Variants in DOCK1 observed in about 807,000 individuals in gnomAD.
The protein encoded by DOCK1 is dedicator of cytokinesis 1.
In DOCK1, 138 loss-of-function variants were observed where a neutral mutation model predicts 262.7. That is an observed-to-expected ratio of 0.53 (90% CI 0.46 to 0.61). The LOEUF (loss-of-function observed/expected upper bound fraction) is 0.61. DOCK1 is among the 20% of genes least tolerant of loss of function. The pLI, the probability that DOCK1 is intolerant of heterozygous loss-of-function variation, is 0.00. For synonymous variants in DOCK1, 866 were observed against 867.4 expected (o/e 1.00, Z 0.03); for missense variants, 1,908 against 2,370.7 (o/e 0.80, Z 4.05).
chr10:127,022,000 A>G (rs1449154817), intron 13 of DOCK1, among the ~76,000 whole-genome samples: 3 of 152,170 alleles, frequency 2.0e-5, no homozygotes, highest in Non-Finnish European at 4.4e-5. Flanking sequence ...CAGGCAGCAG[A>G]GGAGCAGTGG....
rs2043287420 is a variant in DOCK1, at chr10:127,032,211, G to A, written c.1803G>A (p.Lys601=). The part of the protein sequence containing the change: ...LPSTKAELEE[K]GHSATGKSMQ... Reference sequence around the variant, plus strand: ...CCACGAAGGCAGAGTTGGAAGAAAAGGGCCACTCGGCCACCGGCAAGAGCA... The same window carrying A: ...CCACGAAGGCAGAGTTGGAAGAAAAAGGCCACTCGGCCACCGGCAAGAGCA... Residue 601 remains lysine, a synonymous_variant, in exon 18 of 52, where the codon AAG becomes AAA. Transcript: ENST00000623213. 6.2e-7 allele frequency: 1 copy of A among 1,600,054 alleles called. No homozygotes were observed. Among genetic ancestry groups the A allele is most frequent in the East Asian group, 2.3e-5 (1 of 44,318 alleles).
intron 48 of DOCK1, among the ~76,000 whole-genome samples, chr10:127,435,290 T>C (rs936301838): frequency 6.6e-6 from 1 of 152,178 alleles, no homozygotes; most frequent in Non-Finnish European, 1.5e-5. Flanking sequence ...TTGTTTACAA[T>C]CCATCACCCT....
In DOCK1 at chr10:126,956,195, C is replaced by T. The variant is rs975130508; in HGVS notation, c.47-14507C>T. Among the ~76,000 whole-genome samples the T allele has an allele frequency of 9.8e-5, 15 of 152,334 alleles. No individual in the cohort carries two copies. The East Asian group carries it at 1.7e-3, about 18-fold the overall frequency. ...GGCTATGTCTGGGCCGCCTGTGCCT[C>T]AGAAGAGCTCATCAGCAGTCAGCAT... On this transcript the variant is annotated intron_variant, in intron 1 of 51. Coordinates refer to ENST00000623213, the MANE Select transcript of DOCK1 (RefSeq NM_001290223.2).
intron 12 of DOCK1, chr10:127,013,439 C>T (rs1018163603): frequency 2.2e-4 from 33 of 152,172 alleles, no homozygotes; most frequent in African/African-American, 7.5e-4. Flanking sequence ...GGTTGCCAGC[C>T]GATCCTTCAG....
intron 29 of DOCK1, among the ~76,000 whole-genome samples, chr10:127,324,500 T>A (rs1337415065): frequency 6.6e-6 from 1 of 152,172 alleles, no homozygotes; most frequent in African/African-American, 2.4e-5. Flanking sequence ...TCAGGGCAGC[T>A]TTCTTTCTAA....
chr10:127,320,669 A>G (rs1183490213), intron 29 of DOCK1, among the ~76,000 whole-genome samples: 1 of 152,212 alleles, frequency 6.6e-6, no homozygotes, highest in African/African-American at 2.4e-5. Context: ...TAACAATGGT[A>G]GTAAGGTGGC....
rs2040142705 is a variant in DOCK1 at position 126,995,666 on chromosome 10, G to A, written c.474-1082G>A. 1.1e-5 allele frequency among the ~76,000 whole-genome samples: 1 copy of A among 95,214 alleles called. No individual in the cohort carries two copies. The highest frequency in any genetic ancestry group is 2.7e-5 in the Non-Finnish European group (1 of 36,962). The allele number at this position is 95,214 out of a possible 152,430, so 62.5% of individuals were successfully genotyped here. A position where few individuals can be genotyped will look rare whatever the true frequency, so the allele number is the denominator to read the frequency against. ...AGAGGGAGACCGTGGAGAGGGAGAG[G>A]GAGACCGTGGAGAGGGAGAGGGAGA... On this transcript the variant is annotated intron_variant, in intron 6 of 51. Coordinates refer to ENST00000623213, the MANE Select transcript of DOCK1 (RefSeq NM_001290223.2). This position sits in a 1 kb window ranked among gnomAD's most constrained non-coding sequence, Gnocchi z 5.8.
chr10:127,308,818 T>G (rs2061965324), intron 29 of DOCK1, among the ~76,000 whole-genome samples: 1 of 152,270 alleles, frequency 6.6e-6, no homozygotes, highest in African/African-American at 2.4e-5. Flanking sequence ...TGCCACATTT[T>G]CTTTATTCAG....
intron 29 of DOCK1, among the ~76,000 whole-genome samples, chr10:127,290,631 T>G (rs1171736950): frequency 1.3e-5 from 2 of 152,226 alleles, no homozygotes; most frequent in Non-Finnish European, 2.9e-5. Flanking sequence ...CTTCTTTATC[T>G]GCGTAACTTT....
intron 23 of DOCK1, among the ~76,000 whole-genome samples, chr10:127,078,028 C>T (rs139862136): frequency 6.6e-6 from 1 of 151,892 alleles, no homozygotes; most frequent in African/African-American, 2.4e-5. Context: ...TATTCAGAGC[C>T]GAGAAAAGGA....
At chr10:127,224,662 G>A (rs2058570796) in intron 27 of DOCK1, among the ~76,000 whole-genome samples, 1 of 151,866 alleles carries the variant, frequency 6.6e-6, no homozygotes, top group African/African-American at 2.4e-5. Context: ...TAAGGCCGTG[G>A]TGAGCTCTGA....
intron 3 of DOCK1, among the ~76,000 whole-genome samples, chr10:126,980,494 G>C (rs111636708): frequency 0.059 from 8,935 of 152,188 alleles, 302 homozygotes; most frequent in Non-Finnish European, 0.068. Flanking sequence ...GCACCTCTGA[G>C]CCTGGCCCAG....
At chr10:127,011,622 C>T (rs537152832) in intron 11 of DOCK1, among the ~76,000 whole-genome samples, 4 of 152,284 alleles carry the variant, frequency 2.6e-5, no homozygotes, top group African/African-American at 9.6e-5. Flanking sequence ...GCCCTGAAAA[C>T]GTGGGTGGTC....
chr10:127,380,575 A>AG (rs1423029737), intron 36 of DOCK1, among the ~76,000 whole-genome samples: 1 of 152,128 alleles, frequency 6.6e-6, no homozygotes, highest in Non-Finnish European at 1.5e-5. Context: ...TCTTCCATGA[A>AG]GAAGAGAAAC....
intron 27 of DOCK1, among the ~76,000 whole-genome samples, chr10:127,182,088 G>A (rs1389189145): frequency 1.3e-5 from 2 of 152,138 alleles, no homozygotes; most frequent in Non-Finnish European, 2.9e-5. Flanking sequence ...CAGAACTATG[G>A]CTCCTTGGAG....
intron 27 of DOCK1, among the ~76,000 whole-genome samples, chr10:127,219,834 C>A (rs1200508460): frequency 1.3e-5 from 2 of 152,130 alleles, no homozygotes; most frequent in African/African-American, 4.8e-5. Context: ...CCGTCTTCAG[C>A]CCATCCTGTT....
chr10:126,915,641 C>T (rs537734277), intron 1 of DOCK1, among the ~76,000 whole-genome samples: 10 of 152,216 alleles, frequency 6.6e-5, no homozygotes, highest in East Asian at 3.9e-4. Flanking sequence ...GTTAGTAACA[C>T]GGGGTTTCAC....
intron 2 of DOCK1, among the ~76,000 whole-genome samples, chr10:126,973,244 T>C (rs1322708788): frequency 6.6e-6 from 1 of 151,600 alleles, no homozygotes; most frequent in Admixed American, 6.6e-5. Context: ...TTTTTTTTTT[T>C]TTGAGATGGA....
intron 21 of DOCK1, among the ~76,000 whole-genome samples, chr10:127,044,316 G>A (rs922782813): frequency 5.9e-5 from 9 of 152,130 alleles, no homozygotes; most frequent in South Asian, 2.1e-4. Flanking sequence ...CCTCGTGTGC[G>A]TGTTTACTGT....
Sources: gnomAD v4.1 joint callset for allele counts (sites outside exome capture counted in the v4.1 genomes callset) on GRCh38, gnomAD v4.1.1 for gene constraint, Gnocchi (gnomAD v3.1) non-coding constraint, MANE v1.5 for transcripts, NCBI Gene and HGNC (gene_info 2026-07-23, HGNC 2026-07-21) for gene names.